Variants in CYP4F11 observed in about 807,000 individuals in gnomAD.
The protein encoded by CYP4F11 is cytochrome P450 family 4 subfamily F member 11, also known as cytochrome P450 4F11.
CYP4F11 carries 79 observed loss-of-function variants against 62.2 expected under a neutral mutation model. The ratio of observed to expected loss-of-function variants is 1.27; its 90% CI spans 1.06 to 1.53. The LOEUF is 1.53. Ranked by LOEUF, CYP4F11 falls within the 40% of genes most tolerant of loss-of-function variation. The pLI is 0.00. For synonymous variants in CYP4F11, 290 were observed against 263.7 expected (o/e 1.10, Z -0.97); for missense variants, 777 against 680.5 (o/e 1.14, Z -1.58).
At position 15,914,671 on chromosome 19, in the gene CYP4F11, G is replaced by A. The variant is rs764572598; in HGVS notation, c.1250-5C>T. On this transcript the variant is annotated splice_polypyrimidine_tract_variant and splice_region_variant and intron_variant, in intron 9 of 11. Coordinates refer to ENST00000402119, the MANE Select transcript of CYP4F11 (RefSeq NM_021187.4). Reference sequence around the variant, plus strand: ...TATTGATGAGGCAGACAATGCCTGTGGGAGAGAAGAGGGCAGTCAGGACAA... The same window carrying A: ...TATTGATGAGGCAGACAATGCCTGTAGGAGAGAAGAGGGCAGTCAGGACAA... 3 of 1,614,224 alleles carry A rather than the reference G, an allele frequency of 1.9e-6. No individual in the cohort carries two copies. The highest frequency in any genetic ancestry group is 1.1e-5 in the South Asian group (1 of 91,076).
intron 8 of CYP4F11, among the ~76,000 whole-genome samples, chr19:15,915,670 A>G (rs1160172907): frequency 6.6e-6 from 1 of 151,808 alleles, no homozygotes; most frequent in Non-Finnish European, 1.5e-5. Flanking sequence ...TTCTCATTTA[A>G]CAGTATGTCA....
chr19:15,916,204 C>T (rs1175871159), intron 8 of CYP4F11, among the ~76,000 whole-genome samples: 1 of 152,102 alleles, frequency 6.6e-6, no homozygotes, highest in African/African-American at 2.4e-5. Context: ...ATATCAATCA[C>T]ATATTCAAGT....
chr19:15,931,032 C>A (rs2089710777), intron 1 of CYP4F11, among the ~76,000 whole-genome samples: 1 of 152,194 alleles, frequency 6.6e-6, no homozygotes, highest in African/African-American at 2.4e-5. Context: ...AATGGGAGAG[C>A]AGGTCTAAGT....
rs150589633 is a variant in CYP4F11 at position 15,922,103 on chromosome 19, T to C, written c.1049A>G (p.Tyr350Cys). The change falls in exon 8 of 12, where the codon TAC becomes TGC. Residue 350 changes from tyrosine (Y) to cysteine (C), a missense_variant. Coordinates refer to ENST00000402119, the MANE Select transcript of CYP4F11 (RefSeq NM_021187.4). ...VLYHLAKHPEYQEQCRQEVQE... is the reference protein window; with the variant it reads ...VLYHLAKHPECQEQCRQEVQE... ...CACTTCTTGCCGGCACTGTTCCTGG[T>C]ATTCTGGGTGCTTTGCAAGGTGGTA... is the stretch of plus-strand genomic sequence containing the variant. 1 of 1,614,076 alleles carries C rather than the reference T, an allele frequency of 6.2e-7. No homozygotes were observed. Among genetic ancestry groups the C allele is most frequent in the Non-Finnish European group, 8.5e-7 (1 of 1,179,986 alleles).
rs1278686240 is a variant in CYP4F11, at chr19:15,914,667, C to T, written c.1250-1G>A. The T allele has an allele frequency of 6.2e-7, 1 of 1,614,026 alleles. No homozygotes were observed. ...ATAATATTGATGAGGCAGACAATGC[C>T]TGTGGGAGAGAAGAGGGCAGTCAGG... On this transcript the variant is annotated splice_acceptor_variant, in intron 9 of 11. Coordinates refer to ENST00000402119, the MANE Select transcript of CYP4F11 (RefSeq NM_021187.4). LOFTEE classifies it high-confidence loss of function.
intron 1 of CYP4F11, among the ~76,000 whole-genome samples, 134 bp downstream of exon 1, chr19:15,934,058 GAGTGGGCAGAGGAATGAGT>G: frequency 7.0e-6 from 1 of 141,984 alleles, no homozygotes; most frequent in Non-Finnish European, 1.6e-5. Context: ...AGGAATGAGT[GAGTGGGCAGAGGAATGAGT>G]GAGCTGCCTC....
intron 8 of CYP4F11, among the ~76,000 whole-genome samples, chr19:15,916,901 A>G (rs1338395754): frequency 6.6e-6 from 1 of 152,184 alleles, no homozygotes; most frequent in Non-Finnish European, 1.5e-5. Context: ...CTACTATTCC[A>G]TCCAACAATC....
chr19:15,934,164 A>T (rs747261604), intron 1 of CYP4F11, 47 bp downstream of exon 1: 7 of 1,593,198 alleles, frequency 4.4e-6, no homozygotes, highest in African/African-American at 1.4e-5. Flanking sequence ...CCCCTCAGGA[A>T]CTCCATGCAT....
chr19:15,914,580 G>A, intron 10 of CYP4F11, 22 bp downstream of exon 10: 1 of 1,613,816 alleles, frequency 6.2e-7, no homozygotes, highest in Non-Finnish European at 8.5e-7. Context: ...CTCCAAAAAG[G>A]GTGGGGTGAG....
chr19:15,930,496 G>A (rs1488183652), intron 1 of CYP4F11, among the ~76,000 whole-genome samples: 5 of 152,154 alleles, frequency 3.3e-5, no homozygotes, highest in African/African-American at 4.8e-5. Context: ...GGAGGCTGAG[G>A]CAGGAGAATC....
chr19:15,913,788 G>C lies in CYP4F11; in HGVS notation c.1519C>G (p.Arg507Gly), dbSNP rs761489252. ...CGCAGCCAAAGTCCACCCTCTGCGC[G>C]CAATATCAGCTCGGGTTTCCTGCGG... is the stretch of plus-strand genomic sequence containing the variant. ...EPRRKPELIL[R>G]AEGGLWLRVE... The change falls in exon 12 of 12, where the codon CGC becomes GGC. Residue 507 changes from arginine to glycine, a missense_variant. By Grantham distance (125) the Arg-to-Gly change is moderately radical (BLOSUM62 -2). Coordinates refer to ENST00000402119, the MANE Select transcript of CYP4F11 (RefSeq NM_021187.4). The C allele has an allele frequency of 1.2e-6, 2 of 1,614,172 alleles. No homozygotes were observed. The highest frequency in any genetic ancestry group is 2.2e-5 in the East Asian group (1 of 44,884).
In CYP4F11 at chr19:15,934,416, G is replaced by C. The variant is rs770761015; in HGVS notation, c.-8C>G. ...CAGGCTCAGCTGCGGCATCCTGCAG[G>C]GCAGACGGGATGGAGGGTGGGATCC... On this transcript the variant is annotated 5_prime_UTR_variant, in exon 1 of 12. Transcript: ENST00000402119. 1.2e-6 allele frequency: 2 copies of C among 1,612,210 alleles called. No individual in the cohort carries two copies. Among genetic ancestry groups the C allele is most frequent in the Admixed American group, 1.7e-5 (1 of 59,712 alleles).
intron 1 of CYP4F11, among the ~76,000 whole-genome samples, chr19:15,930,814 C>A (rs920674085): frequency 3.3e-5 from 5 of 152,084 alleles, no homozygotes; most frequent in African/African-American, 4.8e-5. Context: ...CCTGGCTGGT[C>A]CCCACCAGCG....
In CYP4F11 at chr19:15,923,821, C is replaced by T; in HGVS notation, c.909G>A (p.Leu303=). Residue 303 remains leucine, a synonymous_variant, in exon 6 of 12, where the codon CTG becomes CTA. Transcript: ENST00000402119. ...SKTLDFIDVL[L]LSKDEDGKEL... is the part of the protein sequence containing the mutation. ...TCCCAGAGAAGCCTACCTTGCTCAG[C>T]AGAAGCACATCAATGAAGTCTAAAG... 6 of 1,612,742 alleles carry T rather than the reference C, an allele frequency of 3.7e-6. No homozygotes were observed. The highest frequency in any genetic ancestry group is 5.1e-6 in the Non-Finnish European group (6 of 1,178,762).
chr19:15,927,294 C>A lies in CYP4F11; in HGVS notation c.443G>T (p.Arg148Leu), dbSNP rs142657300. ...LSGGDKWSRH[R>L]RMLTPAFHFN... ...ATGGAAGGCAGGCGTCAACATCCGA[C>A]GGTGGCGGCTCCACTTGTCACCACC... Residue 148 changes from arginine (R) to leucine (L), a missense_variant, in exon 4 of 12, where the codon CGT (arginine) becomes CTT (leucine). Arg to Leu is a moderately radical substitution (Grantham distance 102). Transcript: ENST00000402119. The A allele has an allele frequency of 6.2e-7, 1 of 1,614,178 alleles. No homozygotes were observed. Among genetic ancestry groups the A allele is most frequent in the East Asian group, 2.2e-5 (1 of 44,882 alleles).
intron 8 of CYP4F11, among the ~76,000 whole-genome samples, chr19:15,919,091 A>T (rs1029267485): frequency 6.7e-6 from 1 of 149,470 alleles, no homozygotes; most frequent in Non-Finnish European, 1.5e-5. Flanking sequence ...ATTGACTCCT[A>T]ATTATTAAAT....
intron 1 of CYP4F11, among the ~76,000 whole-genome samples, chr19:15,931,745 G>GC (rs2089727257): frequency 2.4e-5 from 1 of 41,946 alleles, no homozygotes; most frequent in Non-Finnish European, 4.1e-5. Context: ...AGTGAGTGAG[G>GC]AGAGGAATGA....
intron 8 of CYP4F11, 122 bp downstream of exon 8, chr19:15,921,915 A>G: frequency 7.7e-7 from 1 of 1,290,458 alleles, no homozygotes; most frequent in East Asian, 2.6e-5. Context: ...TGCCTCTGAG[A>G]TTTGCACCGA....
intron 1 of CYP4F11, among the ~76,000 whole-genome samples, chr19:15,931,146 G>A (rs2089712309): frequency 2.0e-5 from 3 of 152,084 alleles, no homozygotes; most frequent in Admixed American, 6.5e-5. Flanking sequence ...ATGTTAGTGA[G>A]GAAGAGCAAG....
Sources: gnomAD v4.1 joint callset for allele counts (sites outside exome capture counted in the v4.1 genomes callset) on GRCh38, gnomAD v4.1.1 for gene constraint, MANE v1.5 for transcripts, NCBI Gene and HGNC (gene_info 2026-07-23, HGNC 2026-07-21) for gene names.